The following EPC1 variants were observed in gnomAD, a reference collection of about 807,000 sequenced individuals.
EPC1 encodes the protein enhancer of polycomb 1.
In EPC1, 12 loss-of-function variants were observed where a neutral mutation model predicts 98.4. The observed-to-expected ratio is 0.12, with a 90% CI of 0.08 to 0.20. EPC1 has a LOEUF of 0.20. Ranked by LOEUF, EPC1 falls within the 10% of genes least tolerant of loss-of-function variation. EPC1 has a pLI of 1.00. For missense variants in EPC1, 729 were observed against 990.5 expected, an observed-to-expected ratio of 0.74 and a Z score of 3.54; for synonymous variants, 357 against 363.9, an observed-to-expected ratio of 0.98 and a Z score of 0.21.
intron 13 of EPC1, among the ~76,000 whole-genome samples, chr10:32,271,263 T>C (rs902380181): frequency 6.6e-6 from 1 of 152,184 alleles, no homozygotes. Context: ...AGTGCTAGGA[T>C]TACAGGCGTG....
intron 1 of EPC1, among the ~76,000 whole-genome samples, chr10:32,339,318 C>G (rs1448659141): frequency 6.6e-6 from 1 of 152,146 alleles, no homozygotes; most frequent in Admixed American, 6.5e-5. Context: ...CATGTGGAAG[C>G]AGAGCTAGAG....
Position 32,270,794 on chromosome 10 carries a change from C to T in EPC1, c.2369+760G>A, listed in dbSNP as rs989318256. On this transcript the variant is annotated intron_variant, in intron 13 of 13. Coordinates refer to ENST00000319778, the MANE Select transcript of EPC1 (RefSeq NM_001272004.3). ...CTGAGATTGTGCCACTGCACTCCAG[C>T]CTGGGCAACAGAGCGAGACTCGGTC... 3.2e-5 allele frequency among the ~76,000 whole-genome samples: 4 copies of T among 124,662 alleles called. No homozygotes were observed. In the South Asian group the frequency reaches 1.0e-3, roughly 31 times the overall value. The allele number at this position is 124,662 out of a possible 152,430, so 81.8% of individuals were successfully genotyped here. A position where few individuals can be genotyped will look rare whatever the true frequency, so the allele number is the denominator to read the frequency against.
In EPC1 at chr10:32,287,212, T is replaced by C. The variant is rs1265131503; in HGVS notation, c.1038A>G (p.Pro346=). ...GTTGGGGAGTAGCAGCGGCAGACGATGGTAAGACTTTGGGCTTCTTTTCAT... is the reference window on the plus strand; with the variant it reads ...GTTGGGGAGTAGCAGCGGCAGACGACGGTAAGACTTTGGGCTTCTTTTCAT... ...RKYEKKPKVL[P]SSAAATPQQT... is the part of the protein sequence containing the mutation. The change falls in exon 7 of 14, where the codon CCA becomes CCG. Residue 346 remains proline (P), a synonymous_variant. Coordinates refer to ENST00000319778, the MANE Select transcript of EPC1 (RefSeq NM_001272004.3). 1.2e-6 allele frequency: 2 copies of C among 1,614,192 alleles called. No individual in the cohort carries two copies. Among genetic ancestry groups the C allele is most frequent in the East Asian group, 2.2e-5 (1 of 44,880 alleles).
chr10:32,300,299 G>T (rs1037823557), intron 2 of EPC1, among the ~76,000 whole-genome samples: 6 of 151,870 alleles, frequency 4.0e-5, no homozygotes, highest in African/African-American at 9.7e-5. Flanking sequence ...CAACATGCAG[G>T]TTTGTTACAT....
At chr10:32,348,064 CAAAG>C (rs201866754), upstream of EPC1, among the ~76,000 whole-genome samples, 1,487 of 152,338 alleles carry the variant, frequency 9.8e-3, 23 homozygotes, top group African/African-American at 0.033. Flanking sequence ...ATTCTGTACT[CAAAG>C]AGACTGCGGC....
chr10:32,348,408 G>A (rs562259871), upstream of EPC1, among the ~76,000 whole-genome samples: 2 of 152,174 alleles, frequency 1.3e-5, no homozygotes, highest in Admixed American at 6.5e-5. Flanking sequence ...AAAATGTTTT[G>A]AGTTGCTTTT....
Position 32,290,505 on chromosome 10 carries a change from A to G in EPC1, c.975+658T>C, listed in dbSNP as rs2986932. Among the ~76,000 whole-genome samples, 274 of 77,506 alleles carry G rather than the reference A, an allele frequency of 3.5e-3. 3 individuals carry two copies. Among genetic ancestry groups the G allele is most frequent in the Admixed American group, 4.9e-3 (31 of 6,378 alleles). The allele number at this position is 77,506 out of a possible 152,430, so 50.8% of individuals were successfully genotyped here. Reference sequence around the variant, plus strand: ...TGTCAAAAAAAAAAAAAAAAAAAAAAAAAGAAAGAAAGAAAAACTCATCTG... The same window carrying G: ...TGTCAAAAAAAAAAAAAAAAAAAAAGAAAGAAAGAAAGAAAAACTCATCTG... On this transcript the variant is annotated intron_variant, in intron 6 of 13. Coordinates refer to ENST00000319778, the MANE Select transcript of EPC1 (RefSeq NM_001272004.3).
chr10:32,355,905 C>T (rs961872771), intron 1 of EPC1, among the ~76,000 whole-genome samples: 41 of 152,166 alleles, frequency 2.7e-4, no homozygotes, highest in African/African-American at 8.9e-4. Context: ...GCCACTGCAC[C>T]TGGCCAGTGC....
intron 10 of EPC1, chr10:32,283,163 G>A (rs185292664): frequency 1.3e-5 from 2 of 152,092 alleles, no homozygotes; most frequent in East Asian, 3.9e-4. Context: ...GAACTGCCTG[G>A]GTCTACTTAT....
intron 1 of EPC1, among the ~76,000 whole-genome samples, chr10:32,355,117 G>C (rs1403836133): frequency 6.6e-6 from 1 of 152,172 alleles, no homozygotes; most frequent in Non-Finnish European, 1.5e-5. Flanking sequence ...TAGAAAAGTT[G>C]TCTCCCATGA....
upstream of EPC1, among the ~76,000 whole-genome samples, chr10:32,349,980 C>T (rs932806588): frequency 6.6e-6 from 1 of 152,188 alleles, no homozygotes; most frequent in Non-Finnish European, 1.5e-5. Flanking sequence ...GTTTAGTTTT[C>T]CCTAGATTCT....
intron 1 of EPC1, among the ~76,000 whole-genome samples, chr10:32,375,553 T>C (rs1177056164): frequency 6.6e-6 from 1 of 152,090 alleles, no homozygotes; most frequent in Non-Finnish European, 1.5e-5. Flanking sequence ...CTGAGGTTTA[T>C]TGTTTCTAAT....
At chr10:32,362,951 G>A (rs1839486460) in intron 1 of EPC1, among the ~76,000 whole-genome samples, 1 of 152,156 alleles carries the variant, frequency 6.6e-6, no homozygotes, top group African/African-American at 2.4e-5. Flanking sequence ...TACCTCCTTG[G>A]TAAGCGAACT....
intron 10 of EPC1, among the ~76,000 whole-genome samples, chr10:32,280,206 G>C (rs1354073452): frequency 6.6e-6 from 1 of 152,162 alleles, no homozygotes; most frequent in Non-Finnish European, 1.5e-5. Context: ...TAGCCTCCCA[G>C]CACTTTGGGA....
intron 2 of EPC1, among the ~76,000 whole-genome samples, chr10:32,295,704 C>T (rs1332299971): frequency 2.0e-5 from 3 of 152,208 alleles, no homozygotes; most frequent in South Asian, 4.1e-4. Flanking sequence ...TAGCCATGTG[C>T]GGCTAACTGA....
chr10:32,346,567 T>C (rs1838831602), intron 1 of EPC1, 196 bp downstream of exon 1: 3 of 595,564 alleles, frequency 5.0e-6, no homozygotes, highest in East Asian at 3.0e-5. Context: ...CGGGTGGCCT[T>C]AGAAGGGGCC....
At chr10:32,352,472 C>T (rs1382953940) in intron 1 of EPC1, among the ~76,000 whole-genome samples, 2 of 152,120 alleles carry the variant, frequency 1.3e-5, no homozygotes. Context: ...TAGAATCATC[C>T]CTGGCCCACA....
intron 1 of EPC1, among the ~76,000 whole-genome samples, chr10:32,317,347 G>T (rs1836616703): frequency 6.6e-6 from 1 of 152,096 alleles, no homozygotes; most frequent in African/African-American, 2.4e-5. Context: ...AAGAAACAAA[G>T]ATAACATTTC....
At chr10:32,349,690 C>A (rs2133079402), upstream of EPC1, among the ~76,000 whole-genome samples, 1 of 152,364 alleles carries the variant, frequency 6.6e-6, no homozygotes, top group African/African-American at 2.4e-5. Context: ...CAGGCTTGAA[C>A]TCCTGGGCTC....
Sources: allele counts gnomAD v4.1 joint callset (sites outside exome capture counted in the v4.1 genomes callset), GRCh38; gene constraint gnomAD v4.1.1; transcripts MANE v1.5; gene names NCBI Gene and HGNC (gene_info 2026-07-23, HGNC 2026-07-21).